Variants in ANOS1 observed in about 807,000 individuals in gnomAD.
ANOS1 encodes the protein anosmin 1.
Under a neutral mutation model 59.0 loss-of-function variants are expected in ANOS1, and 6 were observed. That is an observed-to-expected ratio of 0.10 (90% confidence interval 0.06 to 0.20). The LOEUF (loss-of-function observed/expected upper bound fraction) is 0.20. ANOS1 is among the 10% of genes least tolerant of loss of function. The pLI is 1.00. For missense variants in ANOS1, 433 were observed against 542.3 expected, an observed-to-expected ratio of 0.80 and a Z score of 2.00; for synonymous variants, 217 against 223.4, an observed-to-expected ratio of 0.97 and a Z score of 0.25.
chrX:8,697,874 T>C (rs767252919), intron 2 of ANOS1, among the ~76,000 whole-genome samples: 2 of 111,855 alleles, frequency 1.8e-5, no homozygotes, highest in East Asian at 5.6e-4. Flanking sequence ...TTCCCATTTG[T>C]AAAACTGATG....
intron 1 of ANOS1, among the ~76,000 whole-genome samples, chrX:8,730,787 G>T (rs947540772): frequency 1.8e-5 from 2 of 112,236 alleles, no homozygotes; most frequent in African/African-American, 6.4e-5. Context: ...GAAGAAGAAG[G>T]AGAGAAGGAT....
intron 1 of ANOS1, among the ~76,000 whole-genome samples, chrX:8,720,781 C>T (rs1256480372): frequency 9.0e-6 from 1 of 110,789 alleles, no homozygotes; most frequent in Non-Finnish European, 1.9e-5. Context: ...AAAAAAGTAG[C>T]CAGGTACGGG....
rs769454283 is a variant in ANOS1, at chrX:8,597,080, C to T, written c.495G>A (p.Ser165=). 5.0e-6 allele frequency: 6 copies of T among 1,211,513 alleles called. No individual in the cohort carries two copies. The highest frequency in any genetic ancestry group is 2.3e-4 in the Middle Eastern group (1 of 4,341). The change falls in exon 4 of 14, where the codon TCG becomes TCA. Residue 165 remains serine (S), a synonymous_variant. Coordinates refer to ENST00000262648, the MANE Select transcript of ANOS1 (RefSeq NM_000216.4). ...NECSGVKKCC[S]NGCGHTCQVP... is the part of the protein sequence containing the mutation. Reference sequence around the variant, plus strand: ...CTTGACAGGTGTGTCCACACCCATTCGAACAACATTTCTTCACCCCAGAGC... The same window carrying T: ...CTTGACAGGTGTGTCCACACCCATTTGAACAACATTTCTTCACCCCAGAGC...
chrX:8,594,737 T>TAC lies in ANOS1; in HGVS notation c.541+2296_541+2297insGT, dbSNP rs1308810529. 7.0e-4 allele frequency among the ~76,000 whole-genome samples: 57 copies of TAC among 81,100 alleles called. 1 individual carries two copies. Among genetic ancestry groups the TAC allele is most frequent in the African/African-American group, 2.8e-3 (56 of 20,099 alleles). The allele number at this position is 81,100 out of a possible 115,157, so 70.4% of individuals were successfully genotyped here. ...ACATATATATATCTACATATATATGTGTATATATATATACATATATATATA... is the reference window on the plus strand; with the variant it reads ...ACATATATATATCTACATATATATGTACGTATATATATATACATATATATATA... On this transcript the variant is annotated intron_variant, in intron 4 of 13. Coordinates refer to ENST00000262648, the MANE Select transcript of ANOS1 (RefSeq NM_000216.4).
Position 8,535,541 on chromosome X carries a change from G to A in ANOS1, c.1842+50C>T, listed in dbSNP as rs765789275. ...AGCCACCTCTGAAGGTCAGTAAAAA[G>A]GAGCAGTAGATACCAATGACACAGA... On this transcript the variant is annotated intron_variant, in intron 12 of 13. Coordinates refer to ENST00000262648, the MANE Select transcript of ANOS1 (RefSeq NM_000216.4). The A allele has an allele frequency of 3.0e-5, 30 of 988,731 alleles. No homozygotes were observed. In the African/African-American group the frequency reaches 5.4e-4, roughly 18 times the overall value. The allele number at this position is 988,731 out of a possible 1,213,427, so 81.5% of individuals were successfully genotyped here.
chrX:8,594,697 T>TATATATATATACAC (rs1247233512), intron 4 of ANOS1, among the ~76,000 whole-genome samples: 2 of 18,551 alleles, frequency 1.1e-4, no homozygotes, highest in East Asian at 1.5e-3. Flanking sequence ...TATATATATA[T>TATATATATATACAC]ACACATATAT....
At chrX:8,710,152 G>A (rs1164563224) in intron 1 of ANOS1, among the ~76,000 whole-genome samples, 5 of 111,059 alleles carry the variant, frequency 4.5e-5, no homozygotes, top group African/African-American at 1.6e-4. Context: ...GGATGGTCTC[G>A]ATCTCCTGAC....
chrX:8,613,116 G>A (rs1448281598), intron 3 of ANOS1, among the ~76,000 whole-genome samples: 4 of 112,241 alleles, frequency 3.6e-5, no homozygotes, highest in Non-Finnish European at 5.6e-5. Context: ...ATAAATCAAC[G>A]ATTATAATTC....
chrX:8,685,584 A>AAG (rs1188467023), intron 2 of ANOS1, among the ~76,000 whole-genome samples: 1 of 74,311 alleles, frequency 1.3e-5, no homozygotes, highest in Non-Finnish European at 2.7e-5. Flanking sequence ...GAAGGAAAGA[A>AAG]AGAGAAAGAA....
At chrX:8,614,876 A>T (rs1038174689) in intron 3 of ANOS1, among the ~76,000 whole-genome samples, 222 of 107,872 alleles carry the variant, frequency 2.1e-3, no homozygotes, top group Non-Finnish European at 3.3e-3. Flanking sequence ...AGAAAAATAT[A>T]AAAAAATTTT....
At chrX:8,536,203 TTTTTTTTTTTTTTA>T (rs1180314636) in intron 11 of ANOS1, among the ~76,000 whole-genome samples, 5 of 75,956 alleles carry the variant, frequency 6.6e-5, no homozygotes, top group East Asian at 4.1e-4. Context: ...TTTTTTTTTT[TTTTTTTTTTTTTTA>T]AAAGGTGAGA....
chrX:8,670,402 G>A (rs907861747), intron 2 of ANOS1, among the ~76,000 whole-genome samples: 4 of 111,221 alleles, frequency 3.6e-5, no homozygotes, highest in South Asian at 3.8e-4. Context: ...TGGAATTGGC[G>A]TTGGCTCATT....
chrX:8,635,322 C>A (rs1304234216), intron 2 of ANOS1, among the ~76,000 whole-genome samples: 2 of 111,789 alleles, frequency 1.8e-5, no homozygotes, highest in Middle Eastern at 4.6e-3. Context: ...CATGGCATGT[C>A]CTAGATAAGT....
chrX:8,597,641 T>C (rs1374764607), intron 3 of ANOS1, among the ~76,000 whole-genome samples: 2 of 105,030 alleles, frequency 1.9e-5, no homozygotes, highest in African/African-American at 3.4e-5. Context: ...TCACTCTCTT[T>C]AATTTTTTCT....
At chrX:8,674,457 CG>C (rs2052126178) in intron 2 of ANOS1, among the ~76,000 whole-genome samples, 1 of 112,001 alleles carries the variant, frequency 8.9e-6, no homozygotes, top group African/African-American at 3.2e-5. Flanking sequence ...AAATGTTACC[CG>C]TTGAGTGATG....
chrX:8,604,598 C>A (rs1273174400), intron 3 of ANOS1, among the ~76,000 whole-genome samples: 3 of 111,687 alleles, frequency 2.7e-5, no homozygotes, highest in Non-Finnish European at 5.6e-5. Flanking sequence ...GCTCCATCTA[C>A]CCAGATACAG....
chrX:8,698,999 A>G (rs986948157), intron 2 of ANOS1, among the ~76,000 whole-genome samples: 8 of 111,656 alleles, frequency 7.2e-5, no homozygotes, highest in Non-Finnish European at 1.5e-4. Flanking sequence ...ATGAAACACT[A>G]TTATGATCCC....
At chrX:8,566,342 T>C (rs1311240082) in intron 8 of ANOS1, 1 of 477,329 alleles carries the variant, frequency 2.1e-6, no homozygotes, top group Non-Finnish European at 2.5e-6. Flanking sequence ...TGTATATATG[T>C]GTGTGTGTGT....
At chrX:8,560,295 G>A (rs1285254036) in intron 8 of ANOS1, among the ~76,000 whole-genome samples, 1 of 111,376 alleles carries the variant, frequency 9.0e-6, no homozygotes, top group Non-Finnish European at 1.9e-5. Context: ...TTCCTGGGGG[G>A]CTTGGTTGGG....
Sources: gnomAD v4.1 joint callset for allele counts (sites outside exome capture counted in the v4.1 genomes callset) on GRCh38, gnomAD v4.1.1 for gene constraint, MANE v1.5 for transcripts, NCBI Gene and HGNC (gene_info 2026-07-23, HGNC 2026-07-21) for gene names.